Variants in WDPCP observed in about 807,000 individuals in gnomAD.
WDPCP encodes the protein WD repeat containing planar cell polarity effector.
A neutral mutation model predicts 93.1 loss-of-function variants in WDPCP; 71 were observed. The ratio of observed to expected loss-of-function variants is 0.76; its 90% CI spans 0.63 to 0.93. The LOEUF (loss-of-function observed/expected upper bound fraction) is 0.93. Among genes scored for constraint, WDPCP ranks in the 40% least tolerant of loss-of-function variants. The pLI, the probability that WDPCP is intolerant of heterozygous loss-of-function variation, is 0.00. For missense variants in WDPCP, 844 were observed against 887.4 expected, an observed-to-expected ratio of 0.95 and a Z score of 0.62; for synonymous variants, 315 against 315.0, an observed-to-expected ratio of 1.00 and a Z score of 0.00.
chr2:63,796,691 A>T (rs1670622799), intron 2 of WDPCP, among the ~76,000 whole-genome samples: 1 of 152,242 alleles, frequency 6.6e-6, no homozygotes, highest in African/African-American at 2.4e-5. Context: ...AGCAGTAGCC[A>T]GAGGAGAATT....
intron 6 of WDPCP, among the ~76,000 whole-genome samples, chr2:63,459,162 A>AT: frequency 6.6e-6 from 1 of 152,310 alleles, no homozygotes. Context: ...TTAGGCAAAG[A>AT]TTTTATGGCT....
chr2:63,521,185 C>G (rs1026340559), intron 1 of WDPCP, among the ~76,000 whole-genome samples: 2 of 152,166 alleles, frequency 1.3e-5, no homozygotes, highest in African/African-American at 4.8e-5. Context: ...AACAACATGA[C>G]AGAATCAAAT....
chr2:63,774,886 A>G (rs1295426908), intron 2 of WDPCP, among the ~76,000 whole-genome samples: 1 of 152,134 alleles, frequency 6.6e-6, no homozygotes, highest in Non-Finnish European at 1.5e-5. Context: ...TGTTCTTCAC[A>G]CTGCTAACAA....
intron 17 of WDPCP, among the ~76,000 whole-genome samples, chr2:63,152,649 G>C (rs1338650173): frequency 6.6e-6 from 1 of 152,244 alleles, no homozygotes; most frequent in Non-Finnish European, 1.5e-5. Flanking sequence ...ACTTGAAGAT[G>C]TGTAATTTCA....
intron 2 of WDPCP, among the ~76,000 whole-genome samples, chr2:63,490,289 G>A (rs1700803162): frequency 6.6e-6 from 1 of 151,968 alleles, no homozygotes; most frequent in Non-Finnish European, 1.5e-5. Flanking sequence ...GATTTCAATG[G>A]CTTATACAGT....
At chr2:63,547,741 A>C (rs577674292) in intron 1 of WDPCP, among the ~76,000 whole-genome samples, 1 of 143,312 alleles carries the variant, frequency 7.0e-6, no homozygotes, top group South Asian at 2.1e-4. Context: ...TGGAAGGTAG[A>C]AAAAGAAAAA....
intron 1 of WDPCP, among the ~76,000 whole-genome samples, chr2:63,534,509 A>G (rs1254201763): frequency 6.6e-6 from 1 of 152,194 alleles, no homozygotes; most frequent in Non-Finnish European, 1.5e-5. Flanking sequence ...AAGCTTATCC[A>G]TGACAATCAA....
At chr2:63,677,711 G>C (rs1306145884) in intron 2 of WDPCP, among the ~76,000 whole-genome samples, 1 of 152,064 alleles carries the variant, frequency 6.6e-6, no homozygotes, top group Non-Finnish European at 1.5e-5. Context: ...GCCTGATGAA[G>C]ATATCCCTCA....
intron 1 of WDPCP, among the ~76,000 whole-genome samples, chr2:63,564,809 G>C (rs901936836): frequency 1.5e-4 from 19 of 129,092 alleles, no homozygotes; most frequent in East Asian, 1.4e-3. Flanking sequence ...ACAGAGTCTT[G>C]CTCTGTCGCC....
chr2:63,355,351 A>G (rs1342753201), intron 12 of WDPCP, among the ~76,000 whole-genome samples: 1 of 152,184 alleles, frequency 6.6e-6, no homozygotes. Context: ...GCGCCAAGCT[A>G]AGCTTCAAAA....
At chr2:63,192,873 C>T (rs1675152766) in intron 14 of WDPCP, among the ~76,000 whole-genome samples, 1 of 152,164 alleles carries the variant, frequency 6.6e-6, no homozygotes, top group Non-Finnish European at 1.5e-5. Context: ...CAAGGTAAAA[C>T]ACTTTTCAAG....
At chr2:63,329,064 C>A (rs1266726170) in intron 12 of WDPCP, among the ~76,000 whole-genome samples, 1 of 152,114 alleles carries the variant, frequency 6.6e-6, no homozygotes. Context: ...TTAAGATGTA[C>A]CCTATTAGCA....
intron 10 of WDPCP, among the ~76,000 whole-genome samples, chr2:63,398,588 C>A (rs920869952): frequency 1.3e-5 from 2 of 152,158 alleles, no homozygotes; most frequent in Non-Finnish European, 2.9e-5. Context: ...ATTACACTAA[C>A]TGACCTAATC....
At chr2:63,790,806 T>C (rs968960091) in intron 2 of WDPCP, among the ~76,000 whole-genome samples, 1 of 152,230 alleles carries the variant, frequency 6.6e-6, no homozygotes, top group Non-Finnish European at 1.5e-5. Flanking sequence ...TGGACTCTTC[T>C]ATGCTACTTC....
chr2:63,387,389 C>T (rs1558557042), intron 10 of WDPCP, among the ~76,000 whole-genome samples: 2 of 151,912 alleles, frequency 1.3e-5, no homozygotes, highest in East Asian at 1.9e-4. Flanking sequence ...ACCACACAAT[C>T]GTCTCAATAG....
intron 12 of WDPCP, among the ~76,000 whole-genome samples, chr2:63,320,510 A>G (rs1176939953): frequency 6.6e-6 from 1 of 152,200 alleles, no homozygotes; most frequent in Non-Finnish European, 1.5e-5. Context: ...TGTAGGTTAT[A>G]CAATAGCATA....
At chr2:63,279,716 GA>G in intron 13 of WDPCP, among the ~76,000 whole-genome samples, 1 of 152,248 alleles carries the variant, frequency 6.6e-6, no homozygotes, top group East Asian at 1.9e-4. Context: ...ACACCTTAAA[GA>G]CACTCCAAAA....
intron 12 of WDPCP, among the ~76,000 whole-genome samples, chr2:63,357,868 A>C (rs758610593): frequency 3.3e-5 from 5 of 152,258 alleles, no homozygotes; most frequent in Non-Finnish European, 7.3e-5. Flanking sequence ...AATGCCAATC[A>C]GTTACAGACT....
chr2:63,312,595 G>A (rs1355041089), intron 13 of WDPCP, among the ~76,000 whole-genome samples: 1 of 152,176 alleles, frequency 6.6e-6, no homozygotes, highest in Non-Finnish European at 1.5e-5. Context: ...GCTGGGAAAC[G>A]AGGAAAGGAC....
Sources: gnomAD v4.1 joint callset for allele counts (sites outside exome capture counted in the v4.1 genomes callset) on GRCh38, gnomAD v4.1.1 for gene constraint, MANE v1.5 for transcripts, NCBI Gene and HGNC (gene_info 2026-07-23, HGNC 2026-07-21) for gene names.